GPM6A: variants seen among roughly 807,000 people sequenced by gnomAD.
GPM6A encodes the protein neuronal membrane glycoprotein M6-a.
GPM6A carries 7 observed loss-of-function variants against 32.1 expected under a neutral mutation model. The observed-to-expected ratio is 0.22, with a 90% confidence interval of 0.12 to 0.41. GPM6A has a LOEUF of 0.41. Among genes scored for constraint, GPM6A ranks in the 10% least tolerant of loss-of-function variants. GPM6A has a pLI of 1.00. For missense variants in GPM6A, 235 were observed against 347.2 expected (o/e 0.68, Z 2.57); for synonymous variants, 130 against 123.4 (o/e 1.05, Z -0.35).
chr4:175,641,653 C>G (rs746211453), intron 4 of GPM6A: 2 of 152,196 alleles, frequency 1.3e-5, no homozygotes, highest in Non-Finnish European at 2.9e-5. Context: ...ATTTTCTGCT[C>G]TTTAGTTGTT....
At chr4:175,997,473 T>TC in intron 1 of GPM6A, among the ~76,000 whole-genome samples, 1 of 151,612 alleles carries the variant, frequency 6.6e-6, no homozygotes, top group South Asian at 2.1e-4. Flanking sequence ...GTTTTTTTTT[T>TC]CTCTAATAGT....
chr4:175,699,632 T>A (rs1295802051), intron 2 of GPM6A, among the ~76,000 whole-genome samples: 1 of 152,194 alleles, frequency 6.6e-6, no homozygotes. Flanking sequence ...GTTCCATTCT[T>A]CTAATCCCCA....
At chr4:175,700,590 A>G (rs1744823418) in intron 2 of GPM6A, among the ~76,000 whole-genome samples, 1 of 152,220 alleles carries the variant, frequency 6.6e-6, no homozygotes, top group South Asian at 2.1e-4. Flanking sequence ...TAAAAGCATC[A>G]TATTAGTTAA....
intron 1 of GPM6A, among the ~76,000 whole-genome samples, chr4:175,952,113 T>C (rs1461782360): frequency 6.6e-6 from 1 of 152,226 alleles, no homozygotes; most frequent in Non-Finnish European, 1.5e-5. Flanking sequence ...ACAGTGATAT[T>C]ACAAGGCCCA....
intron 1 of GPM6A, among the ~76,000 whole-genome samples, chr4:175,936,038 G>A (rs1251073814): frequency 1.3e-5 from 2 of 151,288 alleles, no homozygotes; most frequent in East Asian, 3.9e-4. Context: ...GGGCACGGTG[G>A]CTCACGCCTG....
chr4:175,816,308 C>T (rs11947706), upstream of GPM6A, among the ~76,000 whole-genome samples: 8,989 of 152,200 alleles, frequency 0.059, 858 homozygotes, highest in African/African-American at 0.21. Flanking sequence ...ATGTATATTA[C>T]TTTTTTCTTA....
chr4:175,702,404 C>T (rs1448994349), intron 1 of GPM6A, among the ~76,000 whole-genome samples: 1 of 152,168 alleles, frequency 6.6e-6, no homozygotes, highest in African/African-American at 2.4e-5. Context: ...ACTATGCTAT[C>T]GAATACTAGA....
intron 4 of GPM6A, among the ~76,000 whole-genome samples, chr4:175,650,559 T>A (rs1416201557): frequency 6.6e-6 from 1 of 151,986 alleles, no homozygotes; most frequent in East Asian, 1.9e-4. Flanking sequence ...CCTGCCTTAG[T>A]CTCCCAAAGT....
intron 1 of GPM6A, among the ~76,000 whole-genome samples, chr4:175,831,971 G>C (rs1735630189): frequency 6.6e-6 from 1 of 151,670 alleles, no homozygotes; most frequent in African/African-American, 2.4e-5. Context: ...CACCCTCCTC[G>C]GCTTGCCAAA....
intron 1 of GPM6A, among the ~76,000 whole-genome samples, chr4:175,730,796 C>T (rs1161683416): frequency 2.0e-5 from 3 of 152,090 alleles, no homozygotes; most frequent in Non-Finnish European, 2.9e-5. Context: ...TTACCACACA[C>T]AAACCATTCT....
intron 1 of GPM6A, among the ~76,000 whole-genome samples, chr4:175,917,974 A>C (rs1738547898): frequency 6.6e-6 from 1 of 152,122 alleles, no homozygotes. Flanking sequence ...AGTCTATCTC[A>C]TTTTAAATAG....
intron 1 of GPM6A, among the ~76,000 whole-genome samples, chr4:175,759,764 AT>A (rs1216733729): frequency 5.3e-5 from 8 of 152,210 alleles, no homozygotes; most frequent in African/African-American, 1.7e-4. Context: ...TATAGTAAAA[AT>A]TTAATCTCTA....
Position 175,986,874 on chromosome 4 carries a change from T to C in GPM6A, c.-23+15435A>G, listed in dbSNP as rs574853966. On this transcript the variant is annotated intron_variant, in intron 1 of 7. Coordinates refer to the GPM6A transcript ENST00000280187. ...ATTTCTATACTCCAGTCAACTGAGC[T>C]GCTTACAATTCATTGAATACCTCAT... Among the ~76,000 whole-genome samples the C allele has an allele frequency of 2.0e-5, 3 of 152,330 alleles. No individual in the cohort carries two copies. The South Asian group carries it at 6.2e-4, about 32-fold the overall frequency.
intron 1 of GPM6A, among the ~76,000 whole-genome samples, chr4:175,706,026 A>G (rs1461882406): frequency 6.6e-6 from 1 of 152,172 alleles, no homozygotes; most frequent in Non-Finnish European, 1.5e-5. Flanking sequence ...ATACTTTCCA[A>G]AATGAAATAA....
chr4:175,721,166 T>TATATATATATATATATATATA (rs55909333), intron 1 of GPM6A, among the ~76,000 whole-genome samples: 1 of 145,504 alleles, frequency 6.9e-6, no homozygotes, highest in Non-Finnish European at 1.5e-5. Context: ...TATATATATA[T>TATATATATATATATATATATA]TTTCTATTTT....
intron 1 of GPM6A, among the ~76,000 whole-genome samples, chr4:175,764,492 G>A (rs1007963554): frequency 1.3e-5 from 2 of 152,074 alleles, no homozygotes; most frequent in Non-Finnish European, 2.9e-5. Flanking sequence ...TCTAGATAAC[G>A]TATGTCATGT....
Position 175,846,206 on chromosome 4 carries a change from G to T in GPM6A, c.-22-33957C>A, listed in dbSNP as rs532003875. ...ATTATTTCAATAATGCTCATTTTTT[G>T]TACATATAGGCTTATTTGATAATCT... On this transcript the variant is annotated intron_variant, in intron 1 of 7. Coordinates refer to the GPM6A transcript ENST00000280187. Among the ~76,000 whole-genome samples the T allele has an allele frequency of 2.0e-5, 3 of 151,984 alleles. No individual in the cohort carries two copies. In the East Asian group the frequency reaches 5.8e-4, roughly 29 times the overall value.
intron 1 of GPM6A, among the ~76,000 whole-genome samples, chr4:175,994,856 C>A (rs994280663): frequency 1.3e-5 from 2 of 152,152 alleles, no homozygotes; most frequent in African/African-American, 4.8e-5. Context: ...GGAGTAAATC[C>A]TACCGCTGCT....
chr4:175,820,004 A>G lies in GPM6A; in HGVS notation c.-22-7755T>C, dbSNP rs1232196329. Among the ~76,000 whole-genome samples the G allele has an allele frequency of 2.6e-5, 4 of 152,340 alleles. No homozygotes were observed. In the East Asian group the frequency reaches 7.7e-4, roughly 29 times the overall value. On this transcript the variant is annotated intron_variant, in intron 1 of 7. Transcript: ENST00000280187. ...AGTGTGATTTCAGAGTAAAACTACT[A>G]TAGGGAGTTGAAGTAGAGAACGTTC... is the stretch of plus-strand genomic sequence containing the variant.
Sources: gnomAD v4.1 joint callset for allele counts (sites outside exome capture counted in the v4.1 genomes callset) on GRCh38, gnomAD v4.1.1 for gene constraint, MANE v1.5 for transcripts, NCBI Gene and HGNC (gene_info 2026-07-23, HGNC 2026-07-21) for gene names.